Variants in RBM39 observed in about 807,000 individuals in gnomAD.
RBM39 encodes the protein RNA binding motif protein 39, also known as RNA-binding protein 39.
RBM39 carries 12 observed loss-of-function variants against 79.6 expected under a neutral mutation model. The ratio of observed to expected loss-of-function variants is 0.15; its 90% CI spans 0.10 to 0.24. The LOEUF (loss-of-function observed/expected upper bound fraction) is 0.24. Among genes scored for constraint, RBM39 ranks in the 10% least tolerant of loss-of-function variants. The pLI, the probability that RBM39 is intolerant of heterozygous loss-of-function variation, is 1.00. For missense variants in RBM39, 243 were observed against 653.4 expected (o/e 0.37, Z 6.85); for synonymous variants, 185 against 208.4 (o/e 0.89, Z 0.97).
At chr20:35,736,797 C>T (rs1292131625) in intron 3 of RBM39, among the ~76,000 whole-genome samples, 5 of 151,932 alleles carry the variant, frequency 3.3e-5, no homozygotes, top group African/African-American at 9.7e-5. Flanking sequence ...GGACTACAGG[C>T]GTGCACCACC....
At chr20:35,733,989 A>C (rs1014859737) in intron 3 of RBM39, among the ~76,000 whole-genome samples, 6 of 152,226 alleles carry the variant, frequency 3.9e-5, no homozygotes, top group Non-Finnish European at 7.4e-5. Flanking sequence ...AAATCAGTTT[A>C]TTCCACGAAA....
At chr20:35,738,753 G>A (rs752282227) in intron 3 of RBM39, among the ~76,000 whole-genome samples, 1 of 152,180 alleles carries the variant, frequency 6.6e-6, no homozygotes, top group Non-Finnish European at 1.5e-5. Context: ...GGACTTGGAG[G>A]GGAAGGTATC....
At chr20:35,729,283 G>A (rs757007110) in intron 6 of RBM39, 29 bp downstream of exon 6, 1 of 1,545,894 alleles carries the variant, frequency 6.5e-7, no homozygotes, top group African/African-American at 1.4e-5. Context: ...AGCTTTTTAA[G>A]AGCTAAAGGC....
At chr20:35,711,801 G>A (rs548250306) in intron 12 of RBM39, among the ~76,000 whole-genome samples, 3 of 152,180 alleles carry the variant, frequency 2.0e-5, no homozygotes, top group South Asian at 2.1e-4. Flanking sequence ...GTACTACCAG[G>A]GTCTAAAATC....
Position 35,704,219 on chromosome 20 carries a change from A to G in RBM39, c.*262T>C. ...AAAGCACATTTGTTCTCCTAGAGCT[A>G]TTCCTATAGTTCATTAATTTTCTAC... On this transcript the variant is annotated 3_prime_UTR_variant, in exon 17 of 17. Transcript: ENST00000253363. 3.7e-6 allele frequency: 1 copy of G among 272,848 alleles called. No individual in the cohort carries two copies. The highest frequency in any genetic ancestry group is 7.1e-6 in the Non-Finnish European group (1 of 141,726). The allele number at this position is 272,848 out of a possible 1,614,324, so 16.9% of individuals were successfully genotyped here.
chr20:35,724,499 A>G (rs1464787430), intron 8 of RBM39, 71 bp downstream of exon 8: 10 of 1,464,722 alleles, frequency 6.8e-6, no homozygotes, highest in Non-Finnish European at 8.4e-6. Flanking sequence ...AGAACACAAC[A>G]GCACTATACC....
intron 6 of RBM39, 114 bp downstream of exon 6, chr20:35,729,198 A>G: frequency 2.2e-6 from 2 of 920,180 alleles, no homozygotes; most frequent in Non-Finnish European, 3.1e-6. Flanking sequence ...GAAGTGCAAA[A>G]GAAAGCAAAA....
intron 3 of RBM39, chr20:35,734,305 G>C: frequency 9.3e-7 from 1 of 1,071,896 alleles, no homozygotes; most frequent in Non-Finnish European, 1.3e-6. Flanking sequence ...GTATATGCTA[G>C]GTAGCACATG....
At chr20:35,704,986 C>T (rs2035544112) in intron 15 of RBM39, 1 of 585,480 alleles carries the variant, frequency 1.7e-6, no homozygotes, top group African/African-American at 1.9e-5. Flanking sequence ...ATCAAGATGC[C>T]AAGATTTCAT....
At chr20:35,716,999 G>A (rs2037215603) in intron 9 of RBM39, among the ~76,000 whole-genome samples, 194 bp from the exon 10 acceptor site, 1 of 151,918 alleles carries the variant, frequency 6.6e-6, no homozygotes, top group African/African-American at 2.4e-5. Flanking sequence ...AAAAAATTAG[G>A]CTGGGCGTGG....
In RBM39 at chr20:35,730,355, G is replaced by A. The variant is rs565309331; in HGVS notation, c.297-828C>T. Among the ~76,000 whole-genome samples the A allele has an allele frequency of 2.6e-5, 4 of 152,272 alleles. No homozygotes were observed. The South Asian group carries it at 6.2e-4, about 24-fold the overall frequency. Reference sequence around the variant, plus strand: ...CCTGCTAACTTATTCCAGAAGAACAGCGAAATAAATAAATACATAGTGGCC... The same window carrying A: ...CCTGCTAACTTATTCCAGAAGAACAACGAAATAAATAAATACATAGTGGCC... On this transcript the variant is annotated intron_variant, in intron 4 of 16. Transcript: ENST00000253363.
chr20:35,734,789 A>C (rs1444380726), intron 3 of RBM39: 4 of 1,358,704 alleles, frequency 2.9e-6, no homozygotes, highest in Non-Finnish European at 3.8e-6. Context: ...AGAGAAAACT[A>C]CAAGGGTGCA....
intron 7 of RBM39, among the ~76,000 whole-genome samples, 156 bp downstream of exon 7, chr20:35,724,882 T>C (rs900831852): frequency 7.2e-5 from 11 of 152,214 alleles, no homozygotes; most frequent in Admixed American, 3.3e-4. Context: ...TTGAACAAAT[T>C]TGTAGTAACA....
chr20:35,729,360 C>T lies in RBM39; in HGVS notation c.368G>A (p.Arg123Gln), dbSNP rs140434078. 1 of 1,606,068 alleles carries T rather than the reference C, an allele frequency of 6.2e-7. No individual in the cohort carries two copies. The highest frequency in any genetic ancestry group is 1.1e-5 in the South Asian group (1 of 89,418). Residue 123 changes from arginine (R) to glutamine (Q), a missense_variant, in exon 6 of 17, where the codon CGA becomes CAA. This residue lies in a region of RBM39 where 115 missense variants were observed against 184.1 expected (regional missense o/e 0.62). Transcript: ENST00000253363. Reference sequence around the variant, plus strand: ...GAATGGACTTTTGCTTCGGGAACGTCGTCTGCTGCAAAGTTAAAAAGTTTC... The same window carrying T: ...GAATGGACTTTTGCTTCGGGAACGTTGTCTGCTGCAAAGTTAAAAAGTTTC... ...GLPHSIKLSR[R>Q]RSRSKSPFRK...
rs35232905 is a variant in RBM39 at position 35,718,282 on chromosome 20, C to CA, written c.826-1478dup. On this transcript the variant is annotated intron_variant, in intron 9 of 16. Coordinates refer to ENST00000253363, the MANE Select transcript of RBM39 (RefSeq NM_184234.3). ...GAAGGATATAAAAAACAAAACAAAA[C>CA]AAAAAAAAAACGGGTAAGGGCTGCC... Among the ~76,000 whole-genome samples, 607 of 146,774 alleles carry CA rather than the reference C, an allele frequency of 4.1e-3. 10 individuals are homozygous for CA. Among genetic ancestry groups the CA allele is most frequent in the Admixed American group, 0.022 (328 of 14,780 alleles).
At chr20:35,727,685 T>C (rs1221846745) in intron 6 of RBM39, among the ~76,000 whole-genome samples, 4 of 148,154 alleles carry the variant, frequency 2.7e-5, no homozygotes, top group Non-Finnish European at 4.5e-5. Context: ...GTTTCGCTCT[T>C]GTTGCCCAGG....
chr20:35,705,781 C>A (rs1485171234), intron 14 of RBM39, among the ~76,000 whole-genome samples: 1 of 149,018 alleles, frequency 6.7e-6, no homozygotes, highest in Non-Finnish European at 1.5e-5. Context: ...CTAGGTAACT[C>A]CGTCTCAAAA....
At position 35,714,096 on chromosome 20, in the gene RBM39, T is replaced by C; in HGVS notation, c.1096+89A>G. 1.5e-6 allele frequency: 2 copies of C among 1,314,666 alleles called. 1 individual carries two copies. Among genetic ancestry groups the C allele is most frequent in the Non-Finnish European group, 2.1e-6 (2 of 936,722 alleles). The allele number at this position is 1,314,666 out of a possible 1,614,324, so 81.4% of individuals were successfully genotyped here. On this transcript the variant is annotated intron_variant, in intron 11 of 16. Transcript: ENST00000253363. ...ACGCCAACTACAAAATAAGATAAAA[T>C]CTTTTTCCCTTTCTTAGTTTACATG...
Position 35,707,113 on chromosome 20 carries a change from T to C in RBM39, c.1307+7A>G, listed in dbSNP as rs1485684299. On this transcript the variant is annotated splice_region_variant and intron_variant, in intron 14 of 16. Transcript: ENST00000253363. The stretch of plus-strand genomic sequence containing the variant: ...AGGAAATATCAAGAATAAAGTCCAT[T>C]ACTTACGTTTGAGGGTTAAACATGT... The C allele has an allele frequency of 6.5e-7, 1 of 1,545,364 alleles. No homozygotes were observed. Among genetic ancestry groups the C allele is most frequent in the Non-Finnish European group, 8.9e-7 (1 of 1,126,712 alleles).
Sources: allele counts gnomAD v4.1 joint callset (sites outside exome capture counted in the v4.1 genomes callset), GRCh38; gene constraint gnomAD v4.1.1; regional missense constraint gnomAD v4.1.1; transcripts MANE v1.5; gene names NCBI Gene and HGNC (gene_info 2026-07-23, HGNC 2026-07-21).